PAM: variants seen among roughly 807,000 people sequenced by gnomAD.
PAM encodes peptidyl-glycine alpha-amidating monooxygenase.
A neutral mutation model predicts 122.1 loss-of-function variants in PAM; 72 were observed. That is an observed-to-expected ratio of 0.59 (90% CI 0.49 to 0.72). The LOEUF is 0.72. Ranked by LOEUF, PAM falls within the 30% of genes least tolerant of loss-of-function variation. PAM has a pLI of 0.00. For synonymous variants in PAM, 389 were observed against 404.4 expected, an observed-to-expected ratio of 0.96 and a Z score of 0.46; for missense variants, 1,106 against 1,183.7, an observed-to-expected ratio of 0.93 and a Z score of 0.96.
intron 23 of PAM, among the ~76,000 whole-genome samples, chr5:103,020,578 T>G (rs945122141): frequency 6.6e-6 from 1 of 152,190 alleles, no homozygotes; most frequent in South Asian, 2.1e-4. Context: ...TTTATGTTTG[T>G]ACATTCTAGC....
chr5:102,918,213 C>G (rs1746122342), intron 5 of PAM, among the ~76,000 whole-genome samples: 1 of 152,104 alleles, frequency 6.6e-6, no homozygotes, highest in South Asian at 2.1e-4. Context: ...ATGCCTTCTT[C>G]CCAGGCGTTT....
chr5:102,885,176 C>T (rs1792635060), intron 3 of PAM, among the ~76,000 whole-genome samples: 1 of 151,210 alleles, frequency 6.6e-6, no homozygotes, highest in African/African-American at 2.4e-5. Context: ...ACAAAAACTG[C>T]CATCAAAGTA....
At chr5:102,885,939 T>C (rs1201422860) in intron 3 of PAM, among the ~76,000 whole-genome samples, 2 of 151,986 alleles carry the variant, frequency 1.3e-5, no homozygotes, top group African/African-American at 4.8e-5. Flanking sequence ...CTAGCACTGT[T>C]TTAATGTTTT....
Position 103,025,251 on chromosome 5 carries a change from T to C in PAM, c.2606T>C (p.Ile869Thr). 7 of 1,613,762 alleles carry C rather than the reference T, an allele frequency of 4.3e-6. No individual in the cohort carries two copies. Among genetic ancestry groups the C allele is most frequent in the Non-Finnish European group, 5.1e-6 (6 of 1,179,708 alleles). ...EPGSGVPVVL[I>T]TTLLVIPVVV... is the part of the protein sequence containing the mutation. ...GGCTCGGGAGTGCCTGTTGTTCTCA[T>C]TACAACCCTTCTGGTTATTCCGGTG... Residue 869 changes from isoleucine to threonine, a missense_variant, in exon 24 of 26, where the codon ATT becomes ACT. Coordinates refer to ENST00000438793, the MANE Select transcript of PAM (RefSeq NM_001177306.2).
At chr5:102,892,790 G>A (rs138449597) in intron 3 of PAM, among the ~76,000 whole-genome samples, 7 of 151,830 alleles carry the variant, frequency 4.6e-5, no homozygotes, top group African/African-American at 1.4e-4. Context: ...GTCTTTAACA[G>A]GAACCATTTC....
At chr5:102,781,021 A>G (rs112736681) in intron 1 of PAM, among the ~76,000 whole-genome samples, 17 of 152,018 alleles carry the variant, frequency 1.1e-4, no homozygotes, top group African/African-American at 1.9e-4. Context: ...ATGTTGCCAA[A>G]TGTCTCCTGG....
At chr5:102,821,133 C>T (rs1771763847) in intron 1 of PAM, among the ~76,000 whole-genome samples, 1 of 152,126 alleles carries the variant, frequency 6.6e-6, no homozygotes, top group Admixed American at 6.5e-5. Context: ...ATATCATCAC[C>T]TCTATTCAAG....
At chr5:102,946,551 C>G (rs1158945369) in intron 7 of PAM, among the ~76,000 whole-genome samples, 1 of 147,642 alleles carries the variant, frequency 6.8e-6, no homozygotes, top group African/African-American at 2.5e-5. Context: ...TAACAACTTT[C>G]TAGTATCTAG....
At chr5:102,857,734 T>C (rs745471832) in intron 1 of PAM, among the ~76,000 whole-genome samples, 1 of 152,202 alleles carries the variant, frequency 6.6e-6, no homozygotes, top group Non-Finnish European at 1.5e-5. Flanking sequence ...ACAAATTTCA[T>C]AGAGTTGCTG....
At chr5:102,920,797 A>AT (rs764728307) in intron 5 of PAM, among the ~76,000 whole-genome samples, 1,935 of 144,246 alleles carry the variant, frequency 0.013, 32 homozygotes, top group African/African-American at 0.038. Context: ...GGGCATGACA[A>AT]TTTTTTTTTT....
At chr5:102,793,073 C>T (rs189318691) in intron 1 of PAM, among the ~76,000 whole-genome samples, 17 of 152,300 alleles carry the variant, frequency 1.1e-4, no homozygotes, top group African/African-American at 3.8e-4. Context: ...TAATGTTTTA[C>T]TCATACTTTT....
At chr5:102,789,716 G>T (rs987782774) in intron 1 of PAM, among the ~76,000 whole-genome samples, 3 of 152,046 alleles carry the variant, frequency 2.0e-5, no homozygotes, top group Admixed American at 2.0e-4. Context: ...ATGGATGGTG[G>T]TAATGGTTGT....
At chr5:102,760,948 G>A (rs1388082740) in intron 1 of PAM, among the ~76,000 whole-genome samples, 1 of 152,234 alleles carries the variant, frequency 6.6e-6, no homozygotes, top group Non-Finnish European at 1.5e-5. Flanking sequence ...ATGTGTGATT[G>A]TGAGATTAGG....
At chr5:102,858,938 G>T (rs563291913) in intron 1 of PAM, among the ~76,000 whole-genome samples, 1 of 152,144 alleles carries the variant, frequency 6.6e-6, no homozygotes, top group Non-Finnish European at 1.5e-5. Flanking sequence ...CTATCACCTA[G>T]TAACATCGTA....
chr5:102,867,893 T>G (rs994143366), intron 3 of PAM, among the ~76,000 whole-genome samples: 4 of 152,206 alleles, frequency 2.6e-5, no homozygotes, highest in African/African-American at 9.7e-5. Context: ...GGTGGCTGAT[T>G]GTGAGTTTTC....
chr5:102,862,346 G>A (rs1031788071), intron 1 of PAM, among the ~76,000 whole-genome samples: 1 of 151,910 alleles, frequency 6.6e-6, no homozygotes, highest in African/African-American at 2.4e-5. Context: ...TAAACATCCG[G>A]GTCTTTGTTA....
At chr5:102,946,683 A>G (rs549499375) in intron 7 of PAM, among the ~76,000 whole-genome samples, 154 bp from the exon 8 acceptor site, 1 of 151,674 alleles carries the variant, frequency 6.6e-6, no homozygotes, top group East Asian at 1.9e-4. Context: ...GAATTACTGG[A>G]TATGAAAGTA....
At chr5:103,003,840 G>A (rs954999148) in intron 17 of PAM, among the ~76,000 whole-genome samples, 7 of 151,762 alleles carry the variant, frequency 4.6e-5, no homozygotes, top group East Asian at 3.9e-4. Flanking sequence ...CTCTTTTTCC[G>A]TCTCAAAGTG....
intron 14 of PAM, among the ~76,000 whole-genome samples, chr5:102,966,371 A>C (rs1450279104): frequency 6.6e-6 from 1 of 152,114 alleles, no homozygotes; most frequent in African/African-American, 2.4e-5. Context: ...TAGTTATGAA[A>C]ACCATCATCT....
Sources: gnomAD v4.1 joint callset for allele counts (sites outside exome capture counted in the v4.1 genomes callset) on GRCh38, gnomAD v4.1.1 for gene constraint, MANE v1.5 for transcripts, NCBI Gene and HGNC (gene_info 2026-07-23, HGNC 2026-07-21) for gene names.